MAP1A: variants seen among roughly 807,000 people sequenced by gnomAD.
The protein encoded by MAP1A is microtubule-associated protein 1A.
In MAP1A, 42 loss-of-function variants were observed where a neutral mutation model predicts 185.9. The observed-to-expected ratio is 0.23, with a 90% CI of 0.18 to 0.29. The LOEUF (loss-of-function observed/expected upper bound fraction) is 0.29, where lower values mean the gene tolerates loss of function less well. Ranked by LOEUF, MAP1A falls within the 10% of genes least tolerant of loss-of-function variation. The pLI is 1.00. For synonymous variants in MAP1A, 1,229 were observed against 1,335.9 expected (o/e 0.92, Z 1.74); for missense variants, 2,995 against 3,450.4 (o/e 0.87, Z 3.31).
rs754915364 is a variant in MAP1A, at chr15:43,530,588, A to G, written c.*364A>G. 9.3e-5 allele frequency: 19 copies of G among 203,816 alleles called. No individual in the cohort carries two copies. Among genetic ancestry groups the G allele is most frequent in the Non-Finnish European group, 1.8e-4 (18 of 99,708 alleles). The allele number at this position is 203,816 out of a possible 1,614,324, so 12.6% of individuals were successfully genotyped here. A position where few individuals can be genotyped will look rare whatever the true frequency, so the allele number is the denominator to read the frequency against. ...AGAGGGAGATTATATCCCCAACTCC[A>G]GGGACCTCTTTATCTCAATCTATTT... On this transcript the variant is annotated 3_prime_UTR_variant, in exon 6 of 6. Transcript: ENST00000300231.
chr15:43,521,241 A>G lies in MAP1A; in HGVS notation c.-150-83A>G. The G allele has an allele frequency of 1.4e-6, 2 of 1,481,118 alleles. No individual in the cohort carries two copies. Among genetic ancestry groups the G allele is most frequent in the East Asian group, 2.5e-5 (1 of 40,488 alleles). 91.7% of individuals were successfully genotyped at this position (1,481,118 alleles called of 1,614,324 possible). On this transcript the variant is annotated intron_variant, in intron 3 of 5. Transcript: ENST00000300231. The surrounding 1 kb of genome is among the most constrained non-coding windows in gnomAD (Gnocchi z 4.6). ...AAAGGTAAGAGTCCACCTTGGAAAGAGGTGAAGATTAGGGTACTGAATCTA... is the reference window on the plus strand; with the variant it reads ...AAAGGTAAGAGTCCACCTTGGAAAGGGGTGAAGATTAGGGTACTGAATCTA...
In MAP1A at chr15:43,528,132, T is replaced by C. The variant is rs1236447980; in HGVS notation, c.6659T>C (p.Val2220Ala). The part of the protein sequence containing the change: ...TRTRHDEYLE[V>A]TKAPSLDSSL... ...ACCCGGCATGATGAATACCTGGAAG[T>C]GACCAAGGCCCCCAGCCTGGATTCC... is the stretch of plus-strand genomic sequence containing the variant. Residue 2220 changes from valine (V) to alanine (A), a missense_variant, in exon 4 of 6, where the codon GTG (valine) becomes GCG (alanine). Val to Ala is a moderately conservative substitution (Grantham distance 64). Around this residue, in one of 3 missense-constraint regions of MAP1A, gnomAD observed 2,728 missense variants for 2,986.0 expected, o/e 0.91. Coordinates refer to ENST00000300231, the MANE Select transcript of MAP1A (RefSeq NM_002373.6). 4.3e-6 allele frequency: 7 copies of C among 1,614,060 alleles called. No homozygotes were observed. Among genetic ancestry groups the C allele is most frequent in the Admixed American group, 1.7e-5 (1 of 60,020 alleles).
At chr15:43,516,667 G>T (rs1210736389), upstream of MAP1A, among the ~76,000 whole-genome samples, 1 of 152,200 alleles carries the variant, frequency 6.6e-6, no homozygotes, top group Non-Finnish European at 1.5e-5. Context: ...ACATTAGAAA[G>T]ATCCAAATAA....
In MAP1A at chr15:43,524,041, T is replaced by A. The variant is rs760021310; in HGVS notation, c.2568T>A (p.Ala856=). Reference sequence around the variant, plus strand: ...ACCAATCTGTGGCCTCACTTACAGCTCCCCAGACAGAGGAGACAGGCAAGA... The same window carrying A: ...ACCAATCTGTGGCCTCACTTACAGCACCCCAGACAGAGGAGACAGGCAAGA... ...AEDQSVASLT[A]PQTEETGKSS... The change falls in exon 4 of 6, where the codon GCT becomes GCA. Residue 856 remains alanine (A), a synonymous_variant. Transcript: ENST00000300231. 1 of 1,613,950 alleles carries A rather than the reference T, an allele frequency of 6.2e-7. No individual in the cohort carries two copies. The highest frequency in any genetic ancestry group is 8.5e-7 in the Non-Finnish European group (1 of 1,180,000).
rs2079323112 is a variant in MAP1A at position 43,522,456 on chromosome 15, A to G, written c.983A>G (p.Lys328Arg). 2 of 1,614,134 alleles carry G rather than the reference A, an allele frequency of 1.2e-6. No homozygotes were observed. Among genetic ancestry groups the G allele is most frequent in the African/African-American group, 2.7e-5 (2 of 75,038 alleles). ...AAGGAGAGCCTCAAAGCCACTACCA[A>G]GACGGCCGTGAGCAAGTTGGCCAAA... The part of the protein sequence containing the change: ...DSKESLKATT[K>R]TAVSKLAKRE... Residue 328 changes from lysine to arginine, a missense_variant, in exon 4 of 6, where the codon AAG becomes AGG. Physicochemically the swap from Lys to Arg is conservative, Grantham distance 26. Coordinates refer to ENST00000300231, the MANE Select transcript of MAP1A (RefSeq NM_002373.6). This position sits in a 1 kb window ranked among gnomAD's most constrained non-coding sequence, Gnocchi z 5.9.
chr15:43,522,801 C>T lies in MAP1A; in HGVS notation c.1328C>T (p.Ala443Val). Residue 443 changes from alanine to valine, a missense_variant, in exon 4 of 6, where the codon GCC becomes GTC. Around this residue, in one of 3 missense-constraint regions of MAP1A, gnomAD observed 2,728 missense variants for 2,986.0 expected, o/e 0.91. Transcript: ENST00000300231. This position sits in a 1 kb window ranked among gnomAD's most constrained non-coding sequence, Gnocchi z 5.9. Reference sequence around the variant, plus strand: ...GGAAGGAAGGAGGAGAAGAAGGATGCCAAGAAGGAGGAGAAGAGGAAAGAT... The same window carrying T: ...GGAAGGAAGGAGGAGAAGAAGGATGTCAAGAAGGAGGAGAAGAGGAAAGAT... The part of the protein sequence containing the change: ...DEGRKEEKKD[A>V]KKEEKRKDTK... 1 of 1,575,542 alleles carries T rather than the reference C, an allele frequency of 6.3e-7. No individual in the cohort carries two copies. The highest frequency in any genetic ancestry group is 8.6e-7 in the Non-Finnish European group (1 of 1,158,692).
rs778204930 is a variant in MAP1A at position 43,529,214 on chromosome 15, G to A, written c.7741G>A (p.Asp2581Asn). ...TCCCCGCCCTGATGTGTGCATGGCT[G>A]ACCCCGAGGGGCTCAGCTCAGAGTC... ...SPPRPDVCMA[D>N]PEGLSSESGR... The change falls in exon 4 of 6, where the codon GAC (aspartate) becomes AAC (asparagine). Residue 2581 changes from aspartate to asparagine, a missense_variant. Coordinates refer to ENST00000300231, the MANE Select transcript of MAP1A (RefSeq NM_002373.6). This position sits in a 1 kb window ranked among gnomAD's most constrained non-coding sequence, Gnocchi z 4.3. 2.5e-6 allele frequency: 4 copies of A among 1,610,940 alleles called. No individual in the cohort carries two copies. The highest frequency in any genetic ancestry group is 1.7e-6 in the Non-Finnish European group (2 of 1,178,410).
At position 43,524,325 on chromosome 15, in the gene MAP1A, C is replaced by G. The variant is rs2079332969; in HGVS notation, c.2852C>G (p.Ser951Cys). ...GAGGAGACAGCAAACGTAGAGATGT[C>G]TGAGAAACTTTGCAGTCAATATGGA... ...EEEETANVEM[S>C]EKLCSQYGTP... Residue 951 changes from serine (S) to cysteine (C), a missense_variant, in exon 4 of 6, where the codon TCT becomes TGT. By Grantham distance (112) the Ser-to-Cys change is moderately radical (BLOSUM62 -1). Transcript: ENST00000300231. The G allele has an allele frequency of 1.2e-6, 2 of 1,614,204 alleles. No homozygotes were observed. The highest frequency in any genetic ancestry group is 1.7e-6 in the Non-Finnish European group (2 of 1,180,030).
rs753521306 is a variant in MAP1A at position 43,528,413 on chromosome 15, C to T, written c.6940C>T (p.Leu2314=). The change falls in exon 4 of 6, where the codon CTG becomes TTG. Residue 2314 remains leucine (L), a synonymous_variant. Transcript: ENST00000300231. ...TPLSPAPPAS[L]DLALAPAPSL... Reference sequence around the variant, plus strand: ...TCTGAGCCCAGCACCCCCAGCTTCACTGGACTTGGCCCTAGCTCCAGCTCC... The same window carrying T: ...TCTGAGCCCAGCACCCCCAGCTTCATTGGACTTGGCCCTAGCTCCAGCTCC... 13 of 1,613,754 alleles carry T rather than the reference C, an allele frequency of 8.1e-6. No individual in the cohort carries two copies. In the Middle Eastern group the frequency reaches 4.9e-4, roughly 61 times the overall value.
chr15:43,518,717 C>T (rs1401379024), intron 1 of MAP1A, among the ~76,000 whole-genome samples: 3 of 140,928 alleles, frequency 2.1e-5, no homozygotes, highest in South Asian at 2.3e-4. Flanking sequence ...CACCCCCCCC[C>T]GCAACTCCAG....
rs546928391 is a variant in MAP1A, at chr15:43,525,926, C to G, written c.4453C>G (p.Leu1485Val). ...AGACTTGGAACAAAAGGACAGGGTC[C>G]TAGAACAGAAGGAGAAGATCCCAGA... ...DKDLEQKDRVLEQKEKIPEEK... is the reference protein window; with the variant it reads ...DKDLEQKDRVVEQKEKIPEEK... The change falls in exon 4 of 6, where the codon CTA (leucine) becomes GTA (valine). Residue 1485 changes from leucine (L) to valine (V), a missense_variant. Around this residue, in one of 3 missense-constraint regions of MAP1A, gnomAD observed 2,728 missense variants for 2,986.0 expected, o/e 0.91. Coordinates refer to ENST00000300231, the MANE Select transcript of MAP1A (RefSeq NM_002373.6). 1.2e-6 allele frequency: 2 copies of G among 1,613,876 alleles called. No individual in the cohort carries two copies. The highest frequency in any genetic ancestry group is 4.5e-5 in the East Asian group (2 of 44,886).
Position 43,527,923 on chromosome 15 carries a change from G to T in MAP1A, c.6450G>T (p.Leu2150Phe), listed in dbSNP as rs565129017. Residue 2150 changes from leucine to phenylalanine, a missense_variant, in exon 4 of 6, where the codon TTG becomes TTT. Leu to Phe is a conservative substitution (Grantham distance 22). Transcript: ENST00000300231. ...CTGAGGCACATGTTAGCCCTCCCTT[G>T]GACTCACACCTGGGGCCTGCCCGAC... ...PETEAHVSPP[L>F]DSHLGPARPS... The T allele has an allele frequency of 6.2e-7, 1 of 1,614,106 alleles. No individual in the cohort carries two copies. Among genetic ancestry groups the T allele is most frequent in the Non-Finnish European group, 8.5e-7 (1 of 1,180,018 alleles).
upstream of MAP1A, among the ~76,000 whole-genome samples, chr15:43,513,586 T>C (rs1367458879): frequency 6.6e-6 from 1 of 152,230 alleles, no homozygotes; most frequent in Non-Finnish European, 1.5e-5. Flanking sequence ...CTGATACTTA[T>C]AGATGCTGCT....
upstream of MAP1A, among the ~76,000 whole-genome samples, chr15:43,512,643 T>C (rs115465079): frequency 4.8e-3 from 734 of 152,244 alleles, 9 homozygotes; most frequent in African/African-American, 0.017. Flanking sequence ...ATACCCCGGG[T>C]CTCCCTGCTT....
At chr15:43,518,708 A>ACCCCCCCCCCCCCCCCCCCC (rs34711237) in intron 1 of MAP1A, among the ~76,000 whole-genome samples, 2 of 83,630 alleles carry the variant, frequency 2.4e-5, no homozygotes, top group African/African-American at 9.2e-5. Flanking sequence ...ACCGCAGCCC[A>ACCCCCCCCCCCCCCCCCCCC]CCCCCCCCCG....
Position 43,528,343 on chromosome 15 carries a change from C to G in MAP1A, c.6870C>G (p.Asp2290Glu). The change falls in exon 4 of 6, where the codon GAC becomes GAG. Residue 2290 changes from aspartate (D) to glutamate (E), a missense_variant. By Grantham distance (45) the Asp-to-Glu change is conservative. Around this residue, in one of 3 missense-constraint regions of MAP1A, gnomAD observed 2,728 missense variants for 2,986.0 expected, o/e 0.91. Coordinates refer to ENST00000300231, the MANE Select transcript of MAP1A (RefSeq NM_002373.6). ...EAAEQESGEL[D>E]PGMEPAAHSL... ...CAGAACAGGAGTCTGGAGAGCTGGA[C>G]CCAGGAATGGAACCAGCTGCCCACA... is the stretch of plus-strand genomic sequence containing the variant. 1 of 1,614,070 alleles carries G rather than the reference C, an allele frequency of 6.2e-7. No individual in the cohort carries two copies. The highest frequency in any genetic ancestry group is 8.5e-7 in the Non-Finnish European group (1 of 1,180,020).
chr15:43,515,167 A>AC (rs2079293347), upstream of MAP1A, among the ~76,000 whole-genome samples: 2 of 152,192 alleles, frequency 1.3e-5, no homozygotes, highest in Admixed American at 6.5e-5. Context: ...TGAGATCATG[A>AC]CATTGCAGTC....
At position 43,522,958 on chromosome 15, in the gene MAP1A, G is replaced by A. The variant is rs1233208694; in HGVS notation, c.1485G>A (p.Glu495=). Residue 495 remains glutamate (E), a synonymous_variant, in exon 4 of 6, where the codon GAG becomes GAA. Transcript: ENST00000300231. This position sits in a 1 kb window ranked among gnomAD's most constrained non-coding sequence, Gnocchi z 5.9. ...ACAGGAGCCGTGCTATCCGTGGGGAGAAGGAGCTGTCTTCTGAGCCCCAGA... is the reference window on the plus strand; with the variant it reads ...ACAGGAGCCGTGCTATCCGTGGGGAAAAGGAGCTGTCTTCTGAGCCCCAGA... ...KIDRSRAIRG[E]KELSSEPQTP... is the part of the protein sequence containing the mutation. 2.5e-6 allele frequency: 4 copies of A among 1,614,158 alleles called. No homozygotes were observed. The highest frequency in any genetic ancestry group is 3.4e-6 in the Non-Finnish European group (4 of 1,180,022).
Position 43,527,786 on chromosome 15 carries a change from A to C in MAP1A, c.6313A>C (p.Thr2105Pro). The C allele has an allele frequency of 6.2e-7, 1 of 1,613,828 alleles. No individual in the cohort carries two copies. The highest frequency in any genetic ancestry group is 1.7e-5 in the Admixed American group (1 of 59,984). Residue 2105 changes from threonine (T) to proline (P), a missense_variant, in exon 4 of 6, where the codon ACT (threonine) becomes CCT (proline). By Grantham distance (38) the Thr-to-Pro change is conservative. Coordinates refer to ENST00000300231, the MANE Select transcript of MAP1A (RefSeq NM_002373.6). ...ESGRSHWDDS[T>P]SDSELEKGAR... is the part of the protein sequence containing the mutation. ...AGGCCGGAGTCACTGGGATGACAGC[A>C]CTAGTGACTCAGAACTGGAGAAGGG...
Sources: gnomAD v4.1 joint callset for allele counts (sites outside exome capture counted in the v4.1 genomes callset) on GRCh38, gnomAD v4.1.1 for gene constraint, gnomAD v4.1.1 regional missense constraint, Gnocchi (gnomAD v3.1) non-coding constraint, MANE v1.5 for transcripts, NCBI Gene and HGNC (gene_info 2026-07-23, HGNC 2026-07-21) for gene names.